HSPA14: variants seen among roughly 807,000 people sequenced by gnomAD.
The protein encoded by HSPA14 is heat shock protein family A (Hsp70) member 14.
Under a neutral mutation model 65.5 loss-of-function variants are expected in HSPA14, and 37 were observed. The ratio of observed to expected loss-of-function variants is 0.56; its 90% CI spans 0.43 to 0.74. The LOEUF (loss-of-function observed/expected upper bound fraction) is 0.74, where lower values mean the gene tolerates loss of function less well. Among genes scored for constraint, HSPA14 ranks in the 30% least tolerant of loss-of-function variants. HSPA14 has a pLI of 0.00. For missense variants in HSPA14, 564 were observed against 607.6 expected, an observed-to-expected ratio of 0.93 and a Z score of 0.75; for synonymous variants, 203 against 214.2, an observed-to-expected ratio of 0.95 and a Z score of 0.46.
At chr10:14,860,698 T>C (rs1832744009) in intron 10 of HSPA14, among the ~76,000 whole-genome samples, 1 of 152,014 alleles carries the variant, frequency 6.6e-6, no homozygotes, top group Non-Finnish European at 1.5e-5. Flanking sequence ...GCAAGGAAAC[T>C]AGGGCCCAGA....
chr10:14,838,314 C>A lies in HSPA14; in HGVS notation c.-89C>A. 1.5e-6 allele frequency: 2 copies of A among 1,344,064 alleles called. No homozygotes were observed. The allele number at this position is 1,344,064 out of a possible 1,614,324, so 83.3% of individuals were successfully genotyped here. ...AGGGGGCTGGCGGGAACGTGAAGCT[C>A]CGCGGTGCCTGATGGGGCCGTTGGG... On this transcript the variant is annotated 5_prime_UTR_variant, in exon 1 of 14. Transcript: ENST00000378372.
At chr10:14,860,944 G>C (rs1489052469) in intron 10 of HSPA14, among the ~76,000 whole-genome samples, 2 of 152,158 alleles carry the variant, frequency 1.3e-5, no homozygotes, top group African/African-American at 4.8e-5. Flanking sequence ...CACCGGACCA[G>C]CCAGTGAGAA....
At chr10:14,871,060 A>G (rs1395628339) in intron 13 of HSPA14, among the ~76,000 whole-genome samples, 1 of 152,224 alleles carries the variant, frequency 6.6e-6, no homozygotes, top group Non-Finnish European at 1.5e-5. Flanking sequence ...AATTAAATTC[A>G]GCTATTGCCA....
At chr10:14,863,877 T>C (rs1445924288) in intron 10 of HSPA14, among the ~76,000 whole-genome samples, 1 of 152,060 alleles carries the variant, frequency 6.6e-6, no homozygotes, top group East Asian at 1.9e-4. Flanking sequence ...TGGGCCCTGA[T>C]CTGATAGAAT....
chr10:14,852,376 T>G lies in HSPA14; in HGVS notation c.579T>G (p.Ile193Met). ...ACTTTATCTTCTCTTGAAGCAATAT[T>G]TTGGTGTTTAAGCTTGGAGGAACAT... Reference protein sequence around the residue: ...GQDSPTGKSNILVFKLGGTSL... With the variant: ...GQDSPTGKSNMLVFKLGGTSL... Residue 193 changes from isoleucine to methionine, a missense_variant, in exon 8 of 14, where the codon ATT becomes ATG. By Grantham distance (10) the Ile-to-Met change is conservative. Coordinates refer to ENST00000378372, the MANE Select transcript of HSPA14 (RefSeq NM_016299.4). 1.9e-6 allele frequency: 3 copies of G among 1,612,418 alleles called. No individual in the cohort carries two copies. The highest frequency in any genetic ancestry group is 2.5e-6 in the Non-Finnish European group (3 of 1,179,162).
intron 3 of HSPA14, chr10:14,845,480 G>T: frequency 1.0e-6 from 1 of 985,324 alleles, no homozygotes; most frequent in African/African-American, 1.7e-5. Flanking sequence ...AGCCAGGGAT[G>T]GAGGTGTGAG....
At chr10:14,864,763 T>G (rs1452178834) in intron 10 of HSPA14, among the ~76,000 whole-genome samples, 1 of 152,252 alleles carries the variant, frequency 6.6e-6, no homozygotes, top group African/African-American at 2.4e-5. Context: ...TTTGCTGTTG[T>G]GAATAGTACC....
chr10:14,838,318 G>A lies in HSPA14; in HGVS notation c.-85G>A, dbSNP rs554377904. On this transcript the variant is annotated 5_prime_UTR_variant, in exon 1 of 14. Transcript: ENST00000378372. ...GGCTGGCGGGAACGTGAAGCTCCGC[G>A]GTGCCTGATGGGGCCGTTGGGCGGC... The A allele has an allele frequency of 2.9e-6, 4 of 1,361,538 alleles. No individual in the cohort carries two copies. Among genetic ancestry groups the A allele is most frequent in the African/African-American group, 2.9e-5 (2 of 69,952 alleles). 84.3% of individuals were successfully genotyped at this position (1,361,538 alleles called of 1,614,324 possible).
At chr10:14,845,338 G>T in intron 3 of HSPA14, 5 of 985,360 alleles carry the variant, frequency 5.1e-6, no homozygotes, top group Non-Finnish European at 6.0e-6. Flanking sequence ...GTTGGGGGAG[G>T]TTTTATTTTC....
At chr10:14,854,563 G>A (rs1303352730) in intron 9 of HSPA14, among the ~76,000 whole-genome samples, 1 of 152,148 alleles carries the variant, frequency 6.6e-6, no homozygotes, top group Non-Finnish European at 1.5e-5. Context: ...AAAGTACAAA[G>A]GGAGGACGTG....
chr10:14,839,934 T>C lies in HSPA14; in HGVS notation c.87T>C (p.Asp29=). 6.2e-7 allele frequency: 1 copy of C among 1,613,290 alleles called. No individual in the cohort carries two copies. The highest frequency in any genetic ancestry group is 8.5e-7 in the Non-Finnish European group (1 of 1,179,558). The change falls in exon 2 of 14, where the codon GAT becomes GAC. Residue 29 remains aspartate, a synonymous_variant. Transcript: ENST00000378372. ...KDGRAGVVAN[D]AGDRVTPAVV... ...GCCGGGCTGGTGTGGTTGCAAATGA[T>C]GCCGGTGACCGAGTTACTCCAGCTG...
chr10:14,838,632 C>G, intron 1 of HSPA14, 173 bp downstream of exon 1: 1 of 601,522 alleles, frequency 1.7e-6, no homozygotes, highest in Non-Finnish European at 2.8e-6. Flanking sequence ...TCGCGCCTGG[C>G]GATTCCTCCG....
chr10:14,843,898 C>G, intron 3 of HSPA14: 1 of 1,536,168 alleles, frequency 6.5e-7, no homozygotes, highest in East Asian at 2.4e-5. Context: ...AAGCTAGGAA[C>G]CAATTACAAA....
intron 3 of HSPA14, chr10:14,844,980 T>G: frequency 1.0e-6 from 1 of 985,488 alleles, no homozygotes; most frequent in Non-Finnish European, 1.2e-6. Context: ...CAGAAGTTTA[T>G]GTAGTTAATG....
At chr10:14,869,789 AT>A (rs1215554489) in intron 12 of HSPA14, among the ~76,000 whole-genome samples, 4 of 152,120 alleles carry the variant, frequency 2.6e-5, no homozygotes, top group Non-Finnish European at 5.9e-5. Flanking sequence ...CAGTCCTAGT[AT>A]TTCCTTAGCT....
rs111379658 is a variant in HSPA14, at chr10:14,842,919, G to C, written c.221+2762G>C. 1.3e-3 allele frequency: 1,447 copies of C among 1,074,892 alleles called. 14 individuals carry two copies. In the African/African-American group the frequency reaches 0.02, roughly 15 times the overall value. 66.6% of individuals were successfully genotyped at this position (1,074,892 alleles called of 1,614,324 possible). On this transcript the variant is annotated intron_variant, in intron 3 of 13. Transcript: ENST00000378372. The surrounding 1 kb of genome is among the most constrained non-coding windows in gnomAD (Gnocchi z 5.2). ...CTAAACATTTAGCTGTGTCTGTTTG[G>C]ATAGTGTCCTCTTCAGCATAGTTCC...
In HSPA14 at chr10:14,844,370, A is replaced by G. The variant is rs569405341; in HGVS notation, c.221+4213A>G. ...TAAGGCAGATTGGTTTACAAGATAC[A>G]GAAGTATGGATATATACTGTGACTT... On this transcript the variant is annotated intron_variant, in intron 3 of 13. Transcript: ENST00000378372. 6 of 1,024,288 alleles carry G rather than the reference A, an allele frequency of 5.9e-6. No homozygotes were observed. In the Admixed American group the frequency reaches 2.5e-4, roughly 43 times the overall value. The allele number at this position is 1,024,288 out of a possible 1,614,324, so 63.4% of individuals were successfully genotyped here. A position where few individuals can be genotyped will look rare whatever the true frequency, so the allele number is the denominator to read the frequency against.
At chr10:14,864,322 T>C (rs951613392) in intron 10 of HSPA14, among the ~76,000 whole-genome samples, 1 of 151,128 alleles carries the variant, frequency 6.6e-6, no homozygotes, top group African/African-American at 2.4e-5. Flanking sequence ...CTTACTTTTT[T>C]TTTTATTTTT....
At chr10:14,868,712 T>C (rs1196901012) in intron 12 of HSPA14, among the ~76,000 whole-genome samples, 2 of 152,228 alleles carry the variant, frequency 1.3e-5, no homozygotes, top group African/African-American at 4.8e-5. Flanking sequence ...GTAAATAAGT[T>C]TGAAGGTACC....
Sources: allele counts gnomAD v4.1 joint callset (sites outside exome capture counted in the v4.1 genomes callset), GRCh38; gene constraint gnomAD v4.1.1; non-coding constraint Gnocchi (gnomAD v3.1); transcripts MANE v1.5; gene names NCBI Gene and HGNC (gene_info 2026-07-23, HGNC 2026-07-21).